Variants in AXIN2 observed in about 807,000 individuals in gnomAD.
The protein encoded by AXIN2 is axin 2, also known as axin-2.
AXIN2 carries 21 observed loss-of-function variants against 74.7 expected under a neutral mutation model. That is an observed-to-expected ratio of 0.28 (90% confidence interval 0.20 to 0.40). The LOEUF is 0.40. Among genes scored for constraint, AXIN2 ranks in the 10% least tolerant of loss-of-function variants. The probability of loss-of-function intolerance (pLI) is 1.00; values close to 1 mark genes in which losing one functional copy is unlikely to be tolerated. For synonymous variants in AXIN2, 532 were observed against 454.9 expected (o/e 1.17, Z -2.16); for missense variants, 1,144 against 1,111.1 (o/e 1.03, Z -0.42).
chr17:65,550,223 G>A (rs997215918), intron 2 of AXIN2, among the ~76,000 whole-genome samples: 1 of 152,282 alleles, frequency 6.6e-6, no homozygotes, highest in Middle Eastern at 3.4e-3. Context: ...AGACGGGACA[G>A]AAAAGTTCAA....
rs1290240825 is a variant in AXIN2 at position 65,537,381 on chromosome 17, T to C, written c.1655A>G (p.Tyr552Cys). ...FCPGGSEYYC[Y>C]SKCKSHSKAP... is the part of the protein sequence containing the mutation. Reference sequence around the variant, plus strand: ...CTTGGAGTGGCTTTTGCATTTCGAGTAGCAGTAATACTCGCTGCCCCCAGG... The same window carrying C: ...CTTGGAGTGGCTTTTGCATTTCGAGCAGCAGTAATACTCGCTGCCCCCAGG... Residue 552 changes from tyrosine (Y) to cysteine (C), a missense_variant, in exon 6 of 11, where the codon TAC becomes TGC. Physicochemically the swap from Tyr to Cys is radical, Grantham distance 194. Coordinates refer to ENST00000307078, the MANE Select transcript of AXIN2 (RefSeq NM_004655.4). 1 of 1,613,888 alleles carries C rather than the reference T, an allele frequency of 6.2e-7. No individual in the cohort carries two copies. The highest frequency in any genetic ancestry group is 1.7e-5 in the Admixed American group (1 of 60,006).
rs918304450 is a variant in AXIN2, at chr17:65,558,689, G to C, written c.-69C>G. 3 of 1,455,378 alleles carry C rather than the reference G, an allele frequency of 2.1e-6. No homozygotes were observed. In the South Asian group the frequency reaches 3.6e-5, roughly 18 times the overall value. 90.2% of individuals were successfully genotyped at this position (1,455,378 alleles called of 1,614,324 possible). ...CCAGTTCCTCTCAGCAATCGGCGTG[G>C]TCTCTCTGTCTCTCTCAAGTCAGCA... is the stretch of plus-strand genomic sequence containing the variant. On this transcript the variant is annotated 5_prime_UTR_variant, in exon 2 of 11. Transcript: ENST00000307078.
intron 10 of AXIN2, 115 bp downstream of exon 10, chr17:65,533,797 G>GCCCCCCCCCCCCCCCCCC: frequency 1.0e-6 from 1 of 989,832 alleles, no homozygotes; most frequent in Non-Finnish European, 1.5e-6. Flanking sequence ...CGCCTGCTGA[G>GCCCCCCCCCCCCCCCCCC]CCCCCTCCCA....
At chr17:65,560,200 G>C (rs1414318290) in intron 1 of AXIN2, 7 of 152,208 alleles carry the variant, frequency 4.6e-5, no homozygotes, top group African/African-American at 1.7e-4. Context: ...GGCGACGCGC[G>C]GAGTCTCTGC....
At chr17:65,532,479 T>G (rs960876509) in intron 10 of AXIN2, among the ~76,000 whole-genome samples, 3 of 152,218 alleles carry the variant, frequency 2.0e-5, no homozygotes, top group African/African-American at 7.2e-5. Context: ...TTTTCACAAT[T>G]GTCTCTGCCC....
Position 65,528,767 on chromosome 17 carries a change from A to G in AXIN2, c.*1209T>C, listed in dbSNP as rs758283240. On this transcript the variant is annotated 3_prime_UTR_variant, in exon 11 of 11. Transcript: ENST00000307078. ...TATACATAAACCCCTTTCAAAAAACAAGGGAAAGCTTGAGCCCTCAATATA... is the reference window on the plus strand; with the variant it reads ...TATACATAAACCCCTTTCAAAAAACGAGGGAAAGCTTGAGCCCTCAATATA... The G allele has an allele frequency of 3.5e-4, 174 of 498,098 alleles. No homozygotes were observed. Among genetic ancestry groups the G allele is most frequent in the Admixed American group, 1.2e-3 (38 of 31,054 alleles). The allele number at this position is 498,098 out of a possible 1,614,324, so 30.9% of individuals were successfully genotyped here. A position where few individuals can be genotyped will look rare whatever the true frequency, so the allele number is the denominator to read the frequency against.
At chr17:65,545,258 CGGCAAAGA>C (rs2044102010) in intron 3 of AXIN2, among the ~76,000 whole-genome samples, 1 of 152,150 alleles carries the variant, frequency 6.6e-6, no homozygotes, top group African/African-American at 2.4e-5. Context: ...TACACTTGGG[CGGCAAAGA>C]GTCTGCTGCT....
intron 1 of AXIN2, chr17:65,559,808 G>A (rs2044335564): frequency 6.6e-6 from 1 of 152,318 alleles, no homozygotes; most frequent in Non-Finnish European, 1.5e-5. Flanking sequence ...CGGGCGAGAA[G>A]CCAGGGACCC....
Position 65,537,524 on chromosome 17 carries a change from G to C in AXIN2, c.1512C>G (p.Gly504=), listed in dbSNP as rs1555577745. The change falls in exon 6 of 11, where the codon GGC becomes GGG. Residue 504 remains glycine, a synonymous_variant. Coordinates refer to ENST00000307078, the MANE Select transcript of AXIN2 (RefSeq NM_004655.4). The stretch of plus-strand genomic sequence containing the variant: ...GCTTCGTCGTCTGCTTGGTCACAAA[G>C]CCTTTGCCCCCGAGGAGGGGGCAGG... The part of the protein sequence containing the change: ...PGACPLLGGK[G]FVTKQTTKHV... The C allele has an allele frequency of 3.7e-6, 6 of 1,613,760 alleles. No homozygotes were observed. The highest frequency in any genetic ancestry group is 5.1e-6 in the Non-Finnish European group (6 of 1,179,988).
intron 3 of AXIN2, among the ~76,000 whole-genome samples, chr17:65,543,150 G>A (rs558591444): frequency 3.3e-5 from 5 of 152,154 alleles, no homozygotes; most frequent in Non-Finnish European, 7.4e-5. Context: ...AGAGAAGAGA[G>A]ATCAGTATCC....
intron 4 of AXIN2, among the ~76,000 whole-genome samples, chr17:65,538,897 G>A (rs1046218602): frequency 1.3e-5 from 2 of 152,042 alleles, no homozygotes; most frequent in African/African-American, 2.4e-5. Context: ...CGCACACTGC[G>A]CACCTTTGAG....
rs1239909858 is a variant in AXIN2, at chr17:65,537,853, A to C, written c.1201-18T>G. On this transcript the variant is annotated intron_variant, in intron 5 of 10. Transcript: ENST00000307078. Reference sequence around the variant, plus strand: ...TCTTCATCCTGAAAGGGAAGACGTCAGAAGGAGAAGTGACCCAGGAAGCAG... The same window carrying C: ...TCTTCATCCTGAAAGGGAAGACGTCCGAAGGAGAAGTGACCCAGGAAGCAG... 1.3e-6 allele frequency: 2 copies of C among 1,529,850 alleles called. No individual in the cohort carries two copies. Among genetic ancestry groups the C allele is most frequent in the Non-Finnish European group, 1.8e-6 (2 of 1,138,778 alleles). The allele number at this position is 1,529,850 out of a possible 1,614,324, so 94.8% of individuals were successfully genotyped here.
At position 65,528,817 on chromosome 17, in the gene AXIN2, G is replaced by A. The variant is rs1350007907; in HGVS notation, c.*1159C>T. 35 of 471,610 alleles carry A rather than the reference G, an allele frequency of 7.4e-5. No individual in the cohort carries two copies. The Admixed American group carries it at 8.3e-4, about 11-fold the overall frequency. 29.2% of individuals were successfully genotyped at this position (471,610 alleles called of 1,614,324 possible). On this transcript the variant is annotated 3_prime_UTR_variant, in exon 11 of 11. Transcript: ENST00000307078. ...AGGGCGACACACGGAGCGGGTGACC[G>A]TGCAGGTACAGGTACTGTACTGATT... is the stretch of plus-strand genomic sequence containing the variant.
At chr17:65,555,073 C>T (rs925564515) in intron 2 of AXIN2, among the ~76,000 whole-genome samples, 1 of 152,190 alleles carries the variant, frequency 6.6e-6, no homozygotes, top group Non-Finnish European at 1.5e-5. Flanking sequence ...TCTTCCGCCC[C>T]AACTATTTAT....
chr17:65,537,866 A>G, intron 5 of AXIN2, 31 bp from the exon 6 acceptor site: 2 of 1,517,136 alleles, frequency 1.3e-6, no homozygotes. Flanking sequence ...AGGAGAAGTG[A>G]CCCAGGAAGC....
intron 3 of AXIN2, among the ~76,000 whole-genome samples, chr17:65,542,956 CCTTAT>C (rs1567760133): frequency 2.0e-5 from 3 of 152,334 alleles, no homozygotes; most frequent in East Asian, 3.9e-4. Flanking sequence ...ACCTCTAGCT[CCTTAT>C]CTGAAATGCC....
chr17:65,548,718 T>G (rs2044150434), intron 3 of AXIN2, among the ~76,000 whole-genome samples: 1 of 152,164 alleles, frequency 6.6e-6, no homozygotes, highest in Non-Finnish European at 1.5e-5. Context: ...CTCATGAGAC[T>G]CACTGAGGAT....
chr17:65,535,499 C>G, intron 9 of AXIN2, 127 bp downstream of exon 9: 1 of 869,956 alleles, frequency 1.1e-6, no homozygotes, highest in Non-Finnish European at 1.9e-6. Context: ...TTCCTCATCA[C>G]TAGCGCTAAA....
Position 65,558,442 on chromosome 17 carries a change from T to C in AXIN2, c.179A>G (p.Asp60Gly), listed in dbSNP as rs1555583673. Reference protein sequence around the residue: ...PVSSNTRRNEDGLGEPEGRAS... With the variant: ...PVSSNTRRNEGGLGEPEGRAS... The stretch of plus-strand genomic sequence containing the variant: ...CCGCCCCTCCGGCTCCCCCAACCCA[T>C]CTTCGTTCCGCCTGGTGTTGGAAGA... Residue 60 changes from aspartate to glycine, a missense_variant, in exon 2 of 11, where the codon GAT becomes GGT. Physicochemically the swap from Asp to Gly is moderately conservative, Grantham distance 94. Transcript: ENST00000307078. The C allele has an allele frequency of 1.3e-6, 2 of 1,599,580 alleles. No individual in the cohort carries two copies. Among genetic ancestry groups the C allele is most frequent in the Non-Finnish European group, 1.7e-6 (2 of 1,171,076 alleles).
Sources: gnomAD v4.1 joint callset for allele counts (sites outside exome capture counted in the v4.1 genomes callset) on GRCh38, gnomAD v4.1.1 for gene constraint, MANE v1.5 for transcripts, NCBI Gene and HGNC (gene_info 2026-07-23, HGNC 2026-07-21) for gene names.